Variants in PRKDC observed in about 807,000 individuals in gnomAD.
PRKDC encodes protein kinase, DNA-activated, catalytic subunit.
PRKDC carries 82 observed loss-of-function variants against 486.9 expected under a neutral mutation model. The ratio of observed to expected loss-of-function variants is 0.17; its 90% CI spans 0.14 to 0.20. The LOEUF (loss-of-function observed/expected upper bound fraction) is 0.20. Among genes scored for constraint, PRKDC ranks in the 10% least tolerant of loss-of-function variants. PRKDC has a pLI of 1.00. For synonymous variants in PRKDC, 1,895 were observed against 1,837.0 expected (o/e 1.03, Z -0.81); for missense variants, 4,504 against 5,038.2 (o/e 0.89, Z 3.21).
chr8:47,840,996 C>T (rs1451440453), intron 54 of PRKDC, among the ~76,000 whole-genome samples: 2 of 152,208 alleles, frequency 1.3e-5, no homozygotes, highest in African/African-American at 4.8e-5. Flanking sequence ...AGAGAGGCAA[C>T]ACAGACACTG....
At chr8:47,880,561 T>C (rs908904536) in intron 38 of PRKDC, among the ~76,000 whole-genome samples, 5 of 152,208 alleles carry the variant, frequency 3.3e-5, no homozygotes, top group African/African-American at 1.2e-4. Flanking sequence ...CTAATTGTTC[T>C]AGGACTTTAA....
chr8:47,816,283 TTCTGG>T (rs1456648351), intron 68 of PRKDC, among the ~76,000 whole-genome samples: 1 of 151,840 alleles, frequency 6.6e-6, no homozygotes, highest in Non-Finnish European at 1.5e-5. Flanking sequence ...CTGAGAAGTA[TTCTGG>T]CCAGAGACAG....
At chr8:47,896,293 A>C (rs1354865583) in intron 30 of PRKDC, among the ~76,000 whole-genome samples, 1 of 152,088 alleles carries the variant, frequency 6.6e-6, no homozygotes, top group Non-Finnish European at 1.5e-5. Flanking sequence ...TAGTTTTAGA[A>C]GCCTGGAAAT....
intron 40 of PRKDC, among the ~76,000 whole-genome samples, chr8:47,869,729 G>C (rs776518294): frequency 2.6e-5 from 4 of 152,078 alleles, no homozygotes; most frequent in Non-Finnish European, 5.9e-5. Flanking sequence ...TCCCAAGCGG[G>C]CTTCTGAGGT....
chr8:47,888,475 T>C (rs771928303), intron 34 of PRKDC, 43 bp downstream of exon 34: 2 of 1,457,624 alleles, frequency 1.4e-6, no homozygotes, highest in Non-Finnish European at 9.2e-7. Flanking sequence ...CTAATTATCA[T>C]ACTAAAGCTA....
Position 47,922,792 on chromosome 8 carries a change from T to G in PRKDC, c.2419+4402A>C, listed in dbSNP as rs1317100496. ...ATGTTTTAAAGACTTATTGATTGAT[T>G]TGGAGGTCATGTTAACATGCATAAC... On this transcript the variant is annotated intron_variant, in intron 21 of 85. Transcript: ENST00000314191. Among the ~76,000 whole-genome samples the G allele has an allele frequency of 3.3e-5, 5 of 152,192 alleles. No individual in the cohort carries two copies. The East Asian group carries it at 9.6e-4, about 29-fold the overall frequency.
At chr8:47,854,883 T>G (rs1042146075) in intron 50 of PRKDC, among the ~76,000 whole-genome samples, 1 of 152,164 alleles carries the variant, frequency 6.6e-6, no homozygotes, top group South Asian at 2.1e-4. Context: ...ATAGCAAAAC[T>G]TTTTGGAAGT....
intron 12 of PRKDC, 67 bp downstream of exon 12, chr8:47,936,283 TGAC>T (rs770762220): frequency 2.0e-4 from 303 of 1,492,334 alleles, no homozygotes; most frequent in Non-Finnish European, 2.6e-4. Context: ...ATGTATTGTA[TGAC>T]TCCATCAAAT....
chr8:47,891,436 C>A (rs1414867393), intron 31 of PRKDC, among the ~76,000 whole-genome samples: 1 of 152,126 alleles, frequency 6.6e-6, no homozygotes, highest in Non-Finnish European at 1.5e-5. Context: ...AAGAATTATT[C>A]TCAGCCGGGC....
chr8:47,924,824 C>T (rs2090129210), intron 21 of PRKDC, among the ~76,000 whole-genome samples: 1 of 152,190 alleles, frequency 6.6e-6, no homozygotes, highest in African/African-American at 2.4e-5. Context: ...GATATACCCA[C>T]TTCCAATGCA....
At position 47,888,577 on chromosome 8, in the gene PRKDC, C is replaced by G; in HGVS notation, c.4354G>C (p.Val1452Leu). 11 of 1,587,432 alleles carry G rather than the reference C, an allele frequency of 6.9e-6. No individual in the cohort carries two copies. The highest frequency in any genetic ancestry group is 9.4e-6 in the Non-Finnish European group (11 of 1,166,256). Reference protein sequence around the residue: ...QVDRSRLAAVVSACKQLHRAG... With the variant: ...QVDRSRLAAVLSACKQLHRAG... Reference sequence around the variant, plus strand: ...CTGTGAAGCTGTTTACAGGCAGACACAACAGCAGCCAGCCTGCTCCTGTCC... The same window carrying G: ...CTGTGAAGCTGTTTACAGGCAGACAGAACAGCAGCCAGCCTGCTCCTGTCC... Residue 1452 changes from valine to leucine, a missense_variant, in exon 34 of 86, where the codon GTG (valine) becomes CTG (leucine). This residue lies in a region of PRKDC where 1,969 missense variants were observed against 2,068.9 expected (regional missense o/e 0.95). Transcript: ENST00000314191.
In PRKDC at chr8:47,839,974, C is replaced by T. The variant is rs143170970; in HGVS notation, c.7454+42G>A. On this transcript the variant is annotated intron_variant, in intron 55 of 85. Transcript: ENST00000314191. ...CCTCGTCGACAGAGCAAGACCTTAT[C>T]TCAAAAAAGTAACAAAATAAAATAG... The T allele has an allele frequency of 4.6e-4, 678 of 1,460,122 alleles. 5 individuals carry two copies. The East Asian group carries it at 0.015, about 33-fold the overall frequency. The allele number at this position is 1,460,122 out of a possible 1,614,324, so 90.4% of individuals were successfully genotyped here.
chr8:47,936,466 T>C lies in PRKDC; in HGVS notation c.1165A>G (p.Ile389Val). Residue 389 changes from isoleucine to valine, a missense_variant, in exon 12 of 86, where the codon ATT becomes GTT. Transcript: ENST00000314191. ...KDVDFMYVEL[I>V]QRCKQMFLTQ... The stretch of plus-strand genomic sequence containing the variant: ...AGGAACATCTGCTTGCAGCGCTGAA[T>C]GAGCTCAACGTACATGAAGTCAACA... 1 of 1,614,042 alleles carries C rather than the reference T, an allele frequency of 6.2e-7. No individual in the cohort carries two copies. Among genetic ancestry groups the C allele is most frequent in the Non-Finnish European group, 8.5e-7 (1 of 1,179,892 alleles).
intron 28 of PRKDC, 54 bp downstream of exon 28, chr8:47,900,319 T>A (rs1563793537): frequency 2.2e-5 from 29 of 1,320,340 alleles, no homozygotes; most frequent in Non-Finnish European, 2.8e-5. Context: ...TAACTCCTCA[T>A]TGGGGAAACT....
intron 68 of PRKDC, among the ~76,000 whole-genome samples, chr8:47,814,274 G>A (rs1300711634): frequency 6.6e-6 from 1 of 152,172 alleles, no homozygotes; most frequent in Non-Finnish European, 1.5e-5. Flanking sequence ...TTAAAGCTGA[G>A]TGAGTGAACT....
At position 47,953,634 on chromosome 8, in the gene PRKDC, T is replaced by C; in HGVS notation, c.707A>G (p.Lys236Arg). The change falls in exon 7 of 86, where the codon AAG (lysine) becomes AGG (arginine). Residue 236 changes from lysine to arginine, a missense_variant. Coordinates refer to ENST00000314191, the MANE Select transcript of PRKDC (RefSeq NM_006904.7). ...CCAAGCAATACCTTCTTCCATGGAC[T>C]TAGTGAAGTTGCACAGAAGTGAGGA... ...GLSSLLCNFT[K>R]SMEEDPQTSR... 6.2e-7 allele frequency: 1 copy of C among 1,613,066 alleles called. No individual in the cohort carries two copies. The highest frequency in any genetic ancestry group is 8.5e-7 in the Non-Finnish European group (1 of 1,179,486).
At chr8:47,780,715 G>A (rs1029119064) in intron 80 of PRKDC, among the ~76,000 whole-genome samples, 3 of 152,116 alleles carry the variant, frequency 2.0e-5, no homozygotes, top group African/African-American at 4.8e-5. Flanking sequence ...CAATGGGGGC[G>A]GATCACGAGG....
intron 40 of PRKDC, among the ~76,000 whole-genome samples, chr8:47,875,962 T>A (rs759725616): frequency 3.9e-5 from 6 of 152,212 alleles, no homozygotes; most frequent in Non-Finnish European, 8.8e-5. Context: ...ATGTCATGGA[T>A]GAACATCAAA....
rs377561787 is a variant in PRKDC, at chr8:47,887,744, T to C, written c.4414-39A>G. 13 of 1,546,426 alleles carry C rather than the reference T, an allele frequency of 8.4e-6. No homozygotes were observed. The African/African-American group carries it at 1.8e-4, about 21-fold the overall frequency. On this transcript the variant is annotated intron_variant, in intron 34 of 85. Coordinates refer to ENST00000314191, the MANE Select transcript of PRKDC (RefSeq NM_006904.7). The stretch of plus-strand genomic sequence containing the variant: ...AACACTGAAATGCCTAGCAAAAAGA[T>C]ATTTCTTAGAAAAAAACAACTTCAC...
Sources: allele counts gnomAD v4.1 joint callset (sites outside exome capture counted in the v4.1 genomes callset), GRCh38; gene constraint gnomAD v4.1.1; regional missense constraint gnomAD v4.1.1; transcripts MANE v1.5; gene names NCBI Gene and HGNC (gene_info 2026-07-23, HGNC 2026-07-21).